Variants in ODC1 observed in about 807,000 individuals in gnomAD.
ODC1 encodes the protein ornithine decarboxylase 1, also known as ornithine decarboxylase.
ODC1 carries 18 observed loss-of-function variants against 41.5 expected under a neutral mutation model. The ratio of observed to expected loss-of-function variants is 0.43; its 90% CI spans 0.30 to 0.64. ODC1 has a LOEUF of 0.64. ODC1 is among the 30% of genes least tolerant of loss of function. The pLI is 0.11. For synonymous variants in ODC1, 218 were observed against 211.6 expected, an observed-to-expected ratio of 1.03 and a Z score of -0.26; for missense variants, 504 against 589.0, an observed-to-expected ratio of 0.86 and a Z score of 1.49.
At chr2:10,444,863 C>A in intron 3 of ODC1, 68 bp downstream of exon 3, 2 of 1,179,740 alleles carry the variant, frequency 1.7e-6, no homozygotes, top group Non-Finnish European at 2.5e-6. Flanking sequence ...CTTCCTTAGA[C>A]CTTGCCAAAG....
chr2:10,445,626 T>C (rs945665578), intron 1 of ODC1, among the ~76,000 whole-genome samples: 1 of 152,232 alleles, frequency 6.6e-6, no homozygotes, highest in African/African-American at 2.4e-5. Context: ...AAACTTAAAA[T>C]AGCATTATAG....
chr2:10,444,551 C>T lies in ODC1; in HGVS notation c.199G>A (p.Ala67Thr), dbSNP rs745661230. ...GCTTTGCTATCATTACATTTGACTGCATAAAAGGGGGTGACACGAGGGAGA... is the reference window on the plus strand; with the variant it reads ...GCTTTGCTATCATTACATTTGACTGTATAAAAGGGGGTGACACGAGGGAGA... ...KALPRVTPFY[A>T]VKCNDSKAIV... The change falls in exon 4 of 12, where the codon GCA (alanine) becomes ACA (threonine). Residue 67 changes from alanine (A) to threonine (T), a missense_variant. Ala to Thr is a moderately conservative substitution (Grantham distance 58, BLOSUM62 0). This residue lies in a region of ODC1 where 447 missense variants were observed against 524.4 expected (regional missense o/e 0.85). Transcript: ENST00000234111. 4 of 1,614,084 alleles carry T rather than the reference C, an allele frequency of 2.5e-6. No individual in the cohort carries two copies. Among genetic ancestry groups the T allele is most frequent in the Non-Finnish European group, 1.7e-6 (2 of 1,179,984 alleles).
chr2:10,440,851 A>T lies in ODC1; in HGVS notation c.1259T>A (p.Phe420Tyr), dbSNP rs1671798071. ...SGPAWQLMQQ[F>Y]QNPDFPPEVE... Reference sequence around the variant, plus strand: ...TTCGGGTGGGAAGTCGGGGTTCTGGAATTGCTGCATGAGTTGCCTGAGAAA... The same window carrying T: ...TTCGGGTGGGAAGTCGGGGTTCTGGTATTGCTGCATGAGTTGCCTGAGAAA... Residue 420 changes from phenylalanine (F) to tyrosine (Y), a missense_variant, in exon 12 of 12, where the codon TTC (phenylalanine) becomes TAC (tyrosine). Around this residue, in one of 3 missense-constraint regions of ODC1, gnomAD observed 447 missense variants for 524.4 expected, o/e 0.85. Coordinates refer to ENST00000234111, the MANE Select transcript of ODC1 (RefSeq NM_002539.3). 6.2e-7 allele frequency: 1 copy of T among 1,613,952 alleles called. No homozygotes were observed. The highest frequency in any genetic ancestry group is 1.1e-5 in the South Asian group (1 of 91,080).
At chr2:10,446,032 T>C (rs1257314707) in intron 1 of ODC1, among the ~76,000 whole-genome samples, 2 of 152,210 alleles carry the variant, frequency 1.3e-5, no homozygotes, top group African/African-American at 4.8e-5. Flanking sequence ...TACGAGTTAA[T>C]TTTCATGTAT....
intron 11 of ODC1, 121 bp downstream of exon 11, chr2:10,441,388 G>T: frequency 9.6e-7 from 1 of 1,046,336 alleles, no homozygotes. Context: ...CTTTTCTTAG[G>T]AAAAATATCC....
chr2:10,444,197 T>G lies in ODC1; in HGVS notation c.347A>C (p.Gln116Pro). 1 of 1,613,170 alleles carries G rather than the reference T, an allele frequency of 6.2e-7. No homozygotes were observed. Among genetic ancestry groups the G allele is most frequent in the Non-Finnish European group, 8.5e-7 (1 of 1,179,768 alleles). Reference protein sequence around the residue: ...ERIIYANPCKQVSQIKYAANN... With the variant: ...ERIIYANPCKPVSQIKYAANN... ...AGCAGCATACTTAATTTGAGATACTTGTTTACAAGGATTTGCATAGATAAT... is the reference window on the plus strand; with the variant it reads ...AGCAGCATACTTAATTTGAGATACTGGTTTACAAGGATTTGCATAGATAAT... Residue 116 changes from glutamine to proline, a missense_variant, in exon 5 of 12, where the codon CAA (glutamine) becomes CCA (proline). Gln to Pro is a moderately conservative substitution (Grantham distance 76). This residue lies in a region of ODC1 where 447 missense variants were observed against 524.4 expected (regional missense o/e 0.85). Coordinates refer to ENST00000234111, the MANE Select transcript of ODC1 (RefSeq NM_002539.3).
At position 10,444,524 on chromosome 2, in the gene ODC1, T is replaced by A; in HGVS notation, c.226A>T (p.Ile76Phe). Residue 76 changes from isoleucine (I) to phenylalanine (F), a missense_variant, in exon 4 of 12, where the codon ATC (isoleucine) becomes TTC (phenylalanine). Around this residue, in one of 3 missense-constraint regions of ODC1, gnomAD observed 447 missense variants for 524.4 expected, o/e 0.85. Coordinates refer to ENST00000234111, the MANE Select transcript of ODC1 (RefSeq NM_002539.3). ...YAVKCNDSKA[I>F]VKTLAATGTG... The stretch of plus-strand genomic sequence containing the variant: ...CCGGTAGCAGCAAGGGTCTTCACGA[T>A]GGCTTTGCTATCATTACATTTGACT... The A allele has an allele frequency of 6.2e-7, 1 of 1,614,020 alleles. No homozygotes were observed. The highest frequency in any genetic ancestry group is 8.5e-7 in the Non-Finnish European group (1 of 1,179,998).
At chr2:10,443,614 C>CATT in intron 6 of ODC1, 43 bp from the exon 7 acceptor site, 1 of 1,606,162 alleles carries the variant, frequency 6.2e-7, no homozygotes, top group Admixed American at 1.7e-5. Flanking sequence ...CTTAGTATTT[C>CATT]TTAAAATAAT....
intron 11 of ODC1, 104 bp from the exon 12 acceptor site, chr2:10,440,972 TC>T (rs1671801138): frequency 7.8e-7 from 1 of 1,281,380 alleles, no homozygotes; most frequent in Middle Eastern, 2.7e-4. Flanking sequence ...TTTTTTTTTT[TC>T]TGAGACAGGG....
chr2:10,444,557 A>AG lies in ODC1; in HGVS notation c.192dup (p.Phe65LeufsTer7). ...CTATCATTACATTTGACTGCATAAA[A>AG]GGGGGTGACACGAGGGAGAGCTTTT... On this transcript the variant is annotated frameshift_variant, in exon 4 of 12. Coordinates refer to ENST00000234111, the MANE Select transcript of ODC1 (RefSeq NM_002539.3). LOFTEE classifies it high-confidence loss of function. 8.1e-6 allele frequency: 13 copies of AG among 1,614,118 alleles called. No homozygotes were observed. The highest frequency in any genetic ancestry group is 1.1e-5 in the Non-Finnish European group (13 of 1,180,010).
In ODC1 at chr2:10,442,037, T is replaced by A; in HGVS notation, c.888A>T (p.Val296=). The A allele has an allele frequency of 6.2e-7, 1 of 1,614,012 alleles. No homozygotes were observed. The highest frequency in any genetic ancestry group is 8.5e-7 in the Non-Finnish European group (1 of 1,179,928). Reference sequence around the variant, plus strand: ...CATCAGAGCCCGTCTGTTCCTTTAATACAATTTTCTTGGCAATGATATTAA... The same window carrying A: ...CATCAGAGCCCGTCTGTTCCTTTAAAACAATTTTCTTGGCAATGATATTAA... ...LAVNIIAKKI[V]LKEQTGSDDE... Residue 296 remains valine, a synonymous_variant, in exon 9 of 12, where the codon GTA becomes GTT. Transcript: ENST00000234111.
At chr2:10,445,379 G>T in intron 1 of ODC1, 115 bp from the exon 2 acceptor site, 1 of 241,856 alleles carries the variant, frequency 4.1e-6, no homozygotes, top group Non-Finnish European at 8.2e-6. Flanking sequence ...ACCACTCACT[G>T]GCCTGGTCAT....
intron 1 of ODC1, chr2:10,446,991 T>G (rs1365577525): frequency 6.4e-6 from 1 of 156,686 alleles, no homozygotes; most frequent in Admixed American, 6.5e-5. Context: ...TTATATATTT[T>G]TGTTTATATG....
chr2:10,442,529 A>G (rs1671865352), intron 8 of ODC1, among the ~76,000 whole-genome samples: 1 of 152,208 alleles, frequency 6.6e-6, no homozygotes, highest in African/African-American at 2.4e-5. Context: ...TGCCTACGTC[A>G]TGATTTTAAC....
intron 1 of ODC1, among the ~76,000 whole-genome samples, chr2:10,445,709 C>T (rs1262557740): frequency 1.3e-5 from 2 of 152,166 alleles, no homozygotes; most frequent in African/African-American, 4.8e-5. Flanking sequence ...AATCTTGGCT[C>T]ACTGCAACCT....
intron 7 of ODC1, 63 bp downstream of exon 7, chr2:10,443,427 G>T: frequency 1.3e-6 from 2 of 1,569,548 alleles, no homozygotes; most frequent in Non-Finnish European, 1.8e-6. Flanking sequence ...GTTAACTCTA[G>T]AATTAAGACT....
At chr2:10,443,633 C>T in intron 6 of ODC1, 62 bp from the exon 7 acceptor site, 1 of 1,607,046 alleles carries the variant, frequency 6.2e-7, no homozygotes, top group Non-Finnish European at 8.5e-7. Flanking sequence ...ATAGCAAACA[C>T]TAGGAGAAAG....
intron 6 of ODC1, 53 bp from the exon 7 acceptor site, chr2:10,443,624 T>C (rs1413657697): frequency 4.7e-5 from 75 of 1,605,962 alleles, no homozygotes; most frequent in Non-Finnish European, 5.9e-5. Context: ...CTTAAAATAA[T>C]AGCAAACACT....
In ODC1 at chr2:10,445,025, T is replaced by G. The variant is rs768433263; in HGVS notation, c.8A>C (p.Asn3Thr). 7 of 1,608,262 alleles carry G rather than the reference T, an allele frequency of 4.4e-6. No homozygotes were observed. The South Asian group carries it at 7.7e-5, about 18-fold the overall frequency. ...GCAGTCAAACTCTTCATTACCAAAGTTGTTCATGATTTCTTGATGTTCCTC... is the reference window on the plus strand; with the variant it reads ...GCAGTCAAACTCTTCATTACCAAAGGTGTTCATGATTTCTTGATGTTCCTC... MN[N>T]FGNEEFDCHF... Residue 3 changes from asparagine (N) to threonine (T), a missense_variant, in exon 3 of 12, where the codon AAC becomes ACC. This residue lies in a region of ODC1 where 53 missense variants were observed against 46.3 expected (regional missense o/e 1.14). Transcript: ENST00000234111.
Sources: gnomAD v4.1 joint callset for allele counts (sites outside exome capture counted in the v4.1 genomes callset) on GRCh38, gnomAD v4.1.1 for gene constraint, gnomAD v4.1.1 regional missense constraint, MANE v1.5 for transcripts, NCBI Gene and HGNC (gene_info 2026-07-23, HGNC 2026-07-21) for gene names.